NALF1: variants seen among roughly 807,000 people sequenced by gnomAD.
NALF1 encodes the protein NALCN channel auxiliary factor 1, also known as family with sequence similarity 155 member A.
Under a neutral mutation model 48.4 loss-of-function variants are expected in NALF1, and 3 were observed. The observed-to-expected ratio is 0.06, with a 90% CI of 0.03 to 0.16. The LOEUF is 0.16. Among genes scored for constraint, NALF1 ranks in the 10% least tolerant of loss-of-function variants. The pLI, the probability that NALF1 is intolerant of heterozygous loss-of-function variation, is 1.00. For missense variants in NALF1, 526 were observed against 571.5 expected (o/e 0.92, Z 0.81); for synonymous variants, 262 against 245.7 (o/e 1.07, Z -0.62).
intron 1 of NALF1, among the ~76,000 whole-genome samples, chr13:107,281,897 G>A (rs2138873429): frequency 6.6e-6 from 1 of 152,192 alleles, no homozygotes; most frequent in South Asian, 2.1e-4. Flanking sequence ...AATATCACGG[G>A]GCAGCCTGGG....
intron 1 of NALF1, among the ~76,000 whole-genome samples, chr13:107,294,632 C>T (rs1230960218): frequency 1.3e-5 from 2 of 152,172 alleles, no homozygotes; most frequent in Admixed American, 6.5e-5. Context: ...ATACTCATAT[C>T]GTCCCCATAT....
rs371119924 is a variant in NALF1, at chr13:107,759,546, C to T, written c.915+106136G>A. ...TTCTTGCAAATGCATCTGGTTCTCT[C>T]GGGTCCAGACCCACATTCCACCTAG... On this transcript the variant is annotated intron_variant, in intron 1 of 2. Coordinates refer to ENST00000375915, the MANE Select transcript of NALF1 (RefSeq NM_001080396.3). Among the ~76,000 whole-genome samples the T allele has an allele frequency of 1.8e-4, 27 of 152,244 alleles. No individual in the cohort carries two copies. The South Asian group carries it at 5.2e-3, about 29-fold the overall frequency.
intron 2 of NALF1, among the ~76,000 whole-genome samples, chr13:107,176,899 A>G (rs575644079): frequency 1.7e-4 from 26 of 151,844 alleles, no homozygotes; most frequent in Admixed American, 8.5e-4. Flanking sequence ...TTTTAAATTT[A>G]TTTAAATTTA....
At chr13:107,539,822 G>T (rs1031576530) in intron 1 of NALF1, among the ~76,000 whole-genome samples, 1 of 152,030 alleles carries the variant, frequency 6.6e-6, no homozygotes, top group Non-Finnish European at 1.5e-5. Flanking sequence ...GTGAAGCTAA[G>T]ACTCAAACTC....
chr13:107,213,230 C>CAAAAAA (rs386380636), intron 1 of NALF1, among the ~76,000 whole-genome samples: 4,694 of 102,662 alleles, frequency 0.046, 134 homozygotes, highest in Non-Finnish European at 0.055. Flanking sequence ...TTTTTTAACT[C>CAAAAAA]AAAAAAAAAA....
chr13:107,360,971 T>G (rs1405425275), intron 1 of NALF1, among the ~76,000 whole-genome samples: 2 of 152,166 alleles, frequency 1.3e-5, no homozygotes, highest in African/African-American at 4.8e-5. Context: ...TCAGTGATGT[T>G]TAATACATCT....
Position 107,512,796 on chromosome 13 carries a change from G to A in NALF1, c.916-302041C>T, listed in dbSNP as rs552725516. On this transcript the variant is annotated intron_variant, in intron 1 of 2. Transcript: ENST00000375915. ...ACTCCAGAGTGTTGCCATGGCAACG[G>A]TAAACTGACATGGGACACTGGTGGG... Among the ~76,000 whole-genome samples, 77 of 152,260 alleles carry A rather than the reference G, an allele frequency of 5.1e-4. No individual in the cohort carries two copies. In the East Asian group the frequency reaches 6.8e-3, roughly 13 times the overall value.
chr13:107,429,693 A>G (rs1174258749), intron 1 of NALF1, among the ~76,000 whole-genome samples: 1 of 152,238 alleles, frequency 6.6e-6, no homozygotes, highest in Non-Finnish European at 1.5e-5. Flanking sequence ...TGAAACTAGT[A>G]AGAAACAAGA....
At chr13:107,813,777 T>C (rs1879075045) in intron 1 of NALF1, among the ~76,000 whole-genome samples, 1 of 152,082 alleles carries the variant, frequency 6.6e-6, no homozygotes, top group African/African-American at 2.4e-5. Flanking sequence ...AGACCTTCCA[T>C]ATACATGAAT....
At chr13:107,775,389 C>T (rs1342879294) in intron 1 of NALF1, among the ~76,000 whole-genome samples, 5 of 150,384 alleles carry the variant, frequency 3.3e-5, no homozygotes, top group Non-Finnish European at 7.4e-5. Context: ...ATGAACTCAT[C>T]ATTTTTTATG....
chr13:107,726,919 G>A (rs868830966), intron 1 of NALF1, among the ~76,000 whole-genome samples: 2 of 126,622 alleles, frequency 1.6e-5, no homozygotes, highest in Non-Finnish European at 3.2e-5. Context: ...ATTCTTGTGT[G>A]TGTGTGTGTG....
At chr13:107,833,570 C>T (rs1259896414) in intron 1 of NALF1, among the ~76,000 whole-genome samples, 1 of 152,108 alleles carries the variant, frequency 6.6e-6, no homozygotes, top group Non-Finnish European at 1.5e-5. Flanking sequence ...GTATTTTTTA[C>T]TCATGTTCAA....
intron 1 of NALF1, among the ~76,000 whole-genome samples, chr13:107,283,861 G>C (rs188762847): frequency 6.6e-6 from 1 of 151,696 alleles, no homozygotes; most frequent in South Asian, 2.1e-4. Flanking sequence ...GGGTTTCACC[G>C]TGTTAGCCAG....
chr13:107,376,254 G>A (rs1433970111), intron 1 of NALF1, among the ~76,000 whole-genome samples: 4 of 152,134 alleles, frequency 2.6e-5, no homozygotes, highest in Non-Finnish European at 5.9e-5. Flanking sequence ...TCAGGCCCCT[G>A]ACCAGAATCA....
chr13:107,610,339 T>C (rs1594159043), intron 1 of NALF1, among the ~76,000 whole-genome samples: 2 of 152,282 alleles, frequency 1.3e-5, no homozygotes. Flanking sequence ...CAAAATTTAT[T>C]AAAGAAATTC....
At chr13:107,831,965 G>A (rs1401641127) in intron 1 of NALF1, among the ~76,000 whole-genome samples, 1 of 151,964 alleles carries the variant, frequency 6.6e-6, no homozygotes, top group African/African-American at 2.4e-5. Context: ...AATTGTTTGA[G>A]GAAAAAAATT....
intron 1 of NALF1, among the ~76,000 whole-genome samples, chr13:107,245,186 G>T (rs768680584): frequency 6.6e-6 from 1 of 152,156 alleles, no homozygotes; most frequent in Non-Finnish European, 1.5e-5. Context: ...AAGCGACTAA[G>T]TGAACACTAC....
At chr13:107,408,206 G>GT (rs1375740401) in intron 1 of NALF1, among the ~76,000 whole-genome samples, 1 of 151,918 alleles carries the variant, frequency 6.6e-6, no homozygotes, top group Non-Finnish European at 1.5e-5. Context: ...ATTTGCTAAC[G>GT]TAACAGGGTG....
At chr13:107,308,054 A>T (rs1881971576) in intron 1 of NALF1, among the ~76,000 whole-genome samples, 1 of 152,152 alleles carries the variant, frequency 6.6e-6, no homozygotes, top group African/African-American at 2.4e-5. Context: ...ATGTCATGTG[A>T]CACCCTTAGT....
Sources: allele counts gnomAD v4.1 joint callset (sites outside exome capture counted in the v4.1 genomes callset), GRCh38; gene constraint gnomAD v4.1.1; transcripts MANE v1.5; gene names NCBI Gene and HGNC (gene_info 2026-07-23, HGNC 2026-07-21).